Variants in CCSER1 observed in about 807,000 individuals in gnomAD.
CCSER1 encodes the protein coiled-coil serine rich protein 1.
A neutral mutation model predicts 82.0 loss-of-function variants in CCSER1; 41 were observed. The ratio of observed to expected loss-of-function variants is 0.50; its 90% CI spans 0.39 to 0.65. The LOEUF (loss-of-function observed/expected upper bound fraction) is 0.65. Among genes scored for constraint, CCSER1 ranks in the 30% least tolerant of loss-of-function variants. The pLI is 0.00. For synonymous variants in CCSER1, 414 were observed against 383.9 expected (o/e 1.08, Z -0.92); for missense variants, 1,119 against 1,064.2 (o/e 1.05, Z -0.72).
chr4:91,305,735 A>G (rs1463810879), intron 10 of CCSER1, among the ~76,000 whole-genome samples: 1 of 151,280 alleles, frequency 6.6e-6, no homozygotes, highest in Non-Finnish European at 1.5e-5. Context: ...AGAGTGGGTA[A>G]TTTATAAAGA....
intron 1 of CCSER1, among the ~76,000 whole-genome samples, chr4:90,296,660 A>G (rs1171857100): frequency 6.6e-6 from 1 of 152,052 alleles, no homozygotes; most frequent in African/African-American, 2.4e-5. Context: ...ATCTTGGATT[A>G]ATTTTTGTAT....
chr4:90,879,911 G>A (rs1006201524), intron 8 of CCSER1, among the ~76,000 whole-genome samples: 1 of 152,164 alleles, frequency 6.6e-6, no homozygotes, highest in Non-Finnish European at 1.5e-5. Context: ...TTTTCTGGAT[G>A]TTTTCACCAG....
intron 3 of CCSER1, among the ~76,000 whole-genome samples, chr4:90,313,675 G>C (rs1735692278): frequency 6.6e-6 from 1 of 152,108 alleles, no homozygotes; most frequent in Admixed American, 6.6e-5. Flanking sequence ...GTGTGAACTA[G>C]GGTGTCACAG....
chr4:91,339,936 G>A (rs7676126), intron 10 of CCSER1, among the ~76,000 whole-genome samples: 34,290 of 151,838 alleles, frequency 0.23, 4,450 homozygotes, highest in Middle Eastern at 0.38. Context: ...GATCAACATG[G>A]TGAAACCCCA....
intron 3 of CCSER1, among the ~76,000 whole-genome samples, chr4:90,378,263 A>ACTT (rs1748671947): frequency 6.6e-6 from 1 of 152,156 alleles, no homozygotes; most frequent in Non-Finnish European, 1.5e-5. Flanking sequence ...TGGAAACTGC[A>ACTT]ATAATTAATA....
chr4:90,405,970 A>G (rs1371074460), intron 4 of CCSER1, among the ~76,000 whole-genome samples: 1 of 152,172 alleles, frequency 6.6e-6, no homozygotes, highest in Non-Finnish European at 1.5e-5. Flanking sequence ...AAAAGTATGC[A>G]GGCAACAAAT....
intron 1 of CCSER1, among the ~76,000 whole-genome samples, chr4:90,192,476 T>A (rs1019996604): frequency 6.6e-6 from 1 of 152,024 alleles, no homozygotes; most frequent in African/African-American, 2.4e-5. Context: ...TCACTAGTGG[T>A]TGAGAATTTC....
chr4:90,210,450 C>CTT (rs11438395), intron 1 of CCSER1, among the ~76,000 whole-genome samples: 134 of 141,262 alleles, frequency 9.5e-4, no homozygotes, highest in African/African-American at 1.1e-3. Context: ...CTTTTCTTTT[C>CTT]TTTTTTTTTT....
At chr4:90,746,677 A>G (rs549990688) in intron 7 of CCSER1, among the ~76,000 whole-genome samples, 2 of 152,308 alleles carry the variant, frequency 1.3e-5, no homozygotes, top group South Asian at 4.1e-4. Flanking sequence ...AGTGTCTGAG[A>G]TAACTGCATT....
intron 10 of CCSER1, among the ~76,000 whole-genome samples, chr4:91,272,432 T>G (rs1742107047): frequency 6.6e-6 from 1 of 152,212 alleles, no homozygotes; most frequent in Non-Finnish European, 1.5e-5. Flanking sequence ...CTTAGCCCAC[T>G]TTTTGATGGA....
intron 8 of CCSER1, among the ~76,000 whole-genome samples, chr4:90,882,776 T>TC (rs1465535283): frequency 1.3e-5 from 2 of 151,702 alleles, no homozygotes; most frequent in African/African-American, 4.8e-5. Context: ...AAGCCAGGCT[T>TC]CCCCCCTCAA....
intron 3 of CCSER1, among the ~76,000 whole-genome samples, chr4:90,379,087 T>C (rs983283987): frequency 1.3e-5 from 2 of 152,184 alleles, no homozygotes; most frequent in East Asian, 1.9e-4. Flanking sequence ...AGCTATATAA[T>C]GCCAAGAAAT....
At chr4:90,507,307 CAA>C (rs370681733) in intron 5 of CCSER1, among the ~76,000 whole-genome samples, 2,317 of 118,216 alleles carry the variant, frequency 0.02, 32 homozygotes, top group African/African-American at 0.055. Flanking sequence ...CTGAAAAATG[CAA>C]AAAAAAAAAC....
chr4:91,392,840 C>A (rs1411861504), intron 10 of CCSER1, among the ~76,000 whole-genome samples: 1 of 152,022 alleles, frequency 6.6e-6, no homozygotes, highest in East Asian at 1.9e-4. Context: ...TACTTCAAGG[C>A]AGAATTTGAA....
At chr4:91,236,509 T>A (rs1440848890) in intron 10 of CCSER1, among the ~76,000 whole-genome samples, 2 of 151,918 alleles carry the variant, frequency 1.3e-5, no homozygotes, top group East Asian at 1.9e-4. Context: ...GAAAAAAAAA[T>A]TGGTAACTTT....
chr4:91,566,766 G>A (rs1560768614), intron 10 of CCSER1, among the ~76,000 whole-genome samples: 1 of 151,826 alleles, frequency 6.6e-6, no homozygotes, highest in Non-Finnish European at 1.5e-5. Flanking sequence ...GTGTTTATTT[G>A]GATCTTCTCT....
At position 90,693,425 on chromosome 4, in the gene CCSER1, G is replaced by T. The variant is rs1736391294; in HGVS notation, c.1933-30489G>T. 2.6e-5 allele frequency: 4 copies of T among 151,932 alleles called. No individual in the cohort carries two copies. In the South Asian group the frequency reaches 8.3e-4, roughly 31 times the overall value. 9.4% of individuals were successfully genotyped at this position (151,932 alleles called of 1,614,324 possible). ...AGTTGGATTATCTACATTACGAAGA[G>T]AGGAAAGTGATTGTAAAACTAGACT... On this transcript the variant is annotated intron_variant, in intron 6 of 10. Transcript: ENST00000509176.
intron 6 of CCSER1, among the ~76,000 whole-genome samples, chr4:90,704,029 T>G (rs1023612690): frequency 5.3e-5 from 8 of 152,084 alleles, no homozygotes; most frequent in African/African-American, 1.9e-4. Flanking sequence ...ATGTTAGGTG[T>G]TTATTTTGCT....
intron 8 of CCSER1, among the ~76,000 whole-genome samples, chr4:90,898,268 T>C (rs931336557): frequency 7.8e-6 from 1 of 128,402 alleles, no homozygotes; most frequent in South Asian, 2.6e-4. Context: ...CTTTAATCCA[T>C]CTTTTTTTTT....
Sources: gnomAD v4.1 joint callset for allele counts (sites outside exome capture counted in the v4.1 genomes callset) on GRCh38, gnomAD v4.1.1 for gene constraint, MANE v1.5 for transcripts, NCBI Gene and HGNC (gene_info 2026-07-23, HGNC 2026-07-21) for gene names.